TPD52: variants seen among roughly 807,000 people sequenced by gnomAD.
TPD52 encodes tumor protein D52, also known as prostate and colon associated protein.
In TPD52, 17 loss-of-function variants were observed where a neutral mutation model predicts 31.3. That is an observed-to-expected ratio of 0.54 (90% CI 0.37 to 0.82). TPD52 has a LOEUF of 0.82. Among genes scored for constraint, TPD52 ranks in the 40% least tolerant of loss-of-function variants. The probability of loss-of-function intolerance (pLI) is 0.00; values close to 1 mark genes in which losing one functional copy is unlikely to be tolerated. For missense variants in TPD52, 212 were observed against 240.1 expected (o/e 0.88, Z 0.77); for synonymous variants, 83 against 89.6 (o/e 0.93, Z 0.42).
chr8:80,065,052 C>T (rs1812967634), intron 1 of TPD52, among the ~76,000 whole-genome samples: 1 of 152,028 alleles, frequency 6.6e-6, no homozygotes, highest in African/African-American at 2.4e-5. Flanking sequence ...AAAGGAGTAA[C>T]CACTGAATGA....
chr8:80,038,158 G>A lies in TPD52; in HGVS notation c.582C>T (p.Thr194=). ...VLNSAANASA[T]TTEPLPEKTQ... ...TCTTTTCTGGAAGAGGCTCCGTGGT[G>A]GTGGCACTAGCATTTGCAGCCGAAT... The change falls in exon 8 of 8, where the codon ACC becomes ACT. Residue 194 remains threonine (T), a synonymous_variant. Transcript: ENST00000518937. 1.2e-6 allele frequency: 2 copies of A among 1,614,032 alleles called. No individual in the cohort carries two copies. The highest frequency in any genetic ancestry group is 8.5e-7 in the Non-Finnish European group (1 of 1,179,960).
intron 1 of TPD52, among the ~76,000 whole-genome samples, chr8:80,114,858 G>A (rs1168167797): frequency 2.0e-5 from 3 of 152,164 alleles, no homozygotes; most frequent in African/African-American, 7.2e-5. Flanking sequence ...ATTCAGTGGC[G>A]TGACAGGCTC....
At chr8:80,138,418 C>T (rs887237847) in intron 1 of TPD52, among the ~76,000 whole-genome samples, 9 of 152,094 alleles carry the variant, frequency 5.9e-5, no homozygotes, top group Non-Finnish European at 1.0e-4. Context: ...ATCATTTAGT[C>T]GTCTCCTTCG....
At chr8:80,047,148 T>A (rs1038906981) in intron 5 of TPD52, among the ~76,000 whole-genome samples, 3 of 152,138 alleles carry the variant, frequency 2.0e-5, no homozygotes, top group African/African-American at 7.2e-5. Flanking sequence ...ACCACTGCTC[T>A]GGGGAGGCCC....
At chr8:80,130,749 C>A (rs113708976) in intron 1 of TPD52, among the ~76,000 whole-genome samples, 2,104 of 152,316 alleles carry the variant, frequency 0.014, 23 homozygotes, top group Middle Eastern at 0.02. Context: ...CAATCCAACT[C>A]ACCAGGAATA....
intron 3 of TPD52, 24 bp from the exon 4 acceptor site, chr8:80,051,652 G>T (rs1811400708): frequency 1.3e-6 from 2 of 1,548,076 alleles, no homozygotes; most frequent in African/African-American, 1.4e-5. Context: ...TAAACACACA[G>T]AGCAAAAGAA....
In TPD52 at chr8:80,080,299, C is replaced by T. The variant is rs756013177; in HGVS notation, c.20-15706G>A. On this transcript the variant is annotated intron_variant, in intron 1 of 7. Coordinates refer to ENST00000518937, the MANE Select transcript of TPD52 (RefSeq NM_001025253.3). ...TTTATTCCAAGCAAACTTAACTTTACAAAATTAGTAGTTACCAAATTTCTG... is the reference window on the plus strand; with the variant it reads ...TTTATTCCAAGCAAACTTAACTTTATAAAATTAGTAGTTACCAAATTTCTG... 2.5e-6 allele frequency: 4 copies of T among 1,612,088 alleles called. No individual in the cohort carries two copies. In the African/African-American group the frequency reaches 4.0e-5, roughly 16 times the overall value.
intron 1 of TPD52, among the ~76,000 whole-genome samples, chr8:80,133,792 A>C (rs1164311863): frequency 2.0e-5 from 3 of 151,932 alleles, no homozygotes; most frequent in African/African-American, 7.2e-5. Context: ...ACAGAAAAGA[A>C]AAGAAAAAAA....
At chr8:80,075,269 G>A (rs932076508) in intron 1 of TPD52, among the ~76,000 whole-genome samples, 1 of 152,196 alleles carries the variant, frequency 6.6e-6, no homozygotes. Flanking sequence ...GAGCCACCAC[G>A]CCTGGCCAAT....
chr8:80,079,001 T>A (rs1814916090), intron 1 of TPD52, among the ~76,000 whole-genome samples: 1 of 152,116 alleles, frequency 6.6e-6, no homozygotes, highest in Non-Finnish European at 1.5e-5. Flanking sequence ...TGCACACCGA[T>A]CAAGGTCCAC....
intron 2 of TPD52, among the ~76,000 whole-genome samples, chr8:80,062,557 T>C (rs1183856300): frequency 6.6e-6 from 1 of 152,190 alleles, no homozygotes; most frequent in Non-Finnish European, 1.5e-5. Context: ...CTAGGACTAC[T>C]ATAATCAACA....
chr8:80,124,549 C>T (rs565824105), intron 1 of TPD52, among the ~76,000 whole-genome samples: 1 of 152,160 alleles, frequency 6.6e-6, no homozygotes, highest in Non-Finnish European at 1.5e-5. Context: ...TACGTTTACA[C>T]ATACACATAC....
chr8:80,119,573 G>A (rs890720277), intron 1 of TPD52, among the ~76,000 whole-genome samples: 45 of 152,078 alleles, frequency 3.0e-4, no homozygotes, highest in Admixed American at 1.5e-3. Flanking sequence ...GTTTACTTTG[G>A]GAAGGGAAAC....
intron 1 of TPD52, among the ~76,000 whole-genome samples, chr8:80,150,834 C>T (rs866572019): frequency 6.6e-5 from 10 of 152,104 alleles, no homozygotes; most frequent in Non-Finnish European, 1.0e-4. Context: ...AAAGGACTTG[C>T]CTTGTCTCAG....
At chr8:80,101,666 G>A (rs1410964981) in intron 1 of TPD52, among the ~76,000 whole-genome samples, 1 of 152,096 alleles carries the variant, frequency 6.6e-6, no homozygotes, top group African/African-American at 2.4e-5. Context: ...AGGGAAGGCA[G>A]GCGCATCACA....
intron 1 of TPD52, among the ~76,000 whole-genome samples, chr8:80,169,442 G>GA (rs1811932784): frequency 6.6e-6 from 1 of 151,918 alleles, no homozygotes; most frequent in African/African-American, 2.4e-5. Context: ...ATAAAGATTT[G>GA]AAAAAAATAT....
chr8:80,102,563 A>G (rs1806819493), intron 1 of TPD52, among the ~76,000 whole-genome samples: 1 of 152,214 alleles, frequency 6.6e-6, no homozygotes, highest in Non-Finnish European at 1.5e-5. Context: ...GTAGCAGAAA[A>G]ATACCTCGCA....
chr8:80,076,500 C>A (rs1028272997), intron 1 of TPD52, among the ~76,000 whole-genome samples: 12 of 150,666 alleles, frequency 8.0e-5, no homozygotes, highest in Admixed American at 2.0e-4. Context: ...CTGGGGCCTA[C>A]CAGAGGGTGG....
At chr8:80,139,093 A>G (rs1809637857) in intron 1 of TPD52, among the ~76,000 whole-genome samples, 1 of 151,944 alleles carries the variant, frequency 6.6e-6, no homozygotes, top group Admixed American at 6.6e-5. Flanking sequence ...ACTCTCATCT[A>G]TTTGTGCCAC....
Sources: gnomAD v4.1 joint callset for allele counts (sites outside exome capture counted in the v4.1 genomes callset) on GRCh38, gnomAD v4.1.1 for gene constraint, MANE v1.5 for transcripts, NCBI Gene and HGNC (gene_info 2026-07-23, HGNC 2026-07-21) for gene names.